SLC2A9: variants seen among roughly 807,000 people sequenced by gnomAD.
SLC2A9 encodes the protein solute carrier family 2 member 9.
In SLC2A9, 39 loss-of-function variants were observed where a neutral mutation model predicts 50.6. The observed-to-expected ratio is 0.77, with a 90% CI of 0.60 to 1.01. The LOEUF is 1.01. SLC2A9 is among the 50% of genes least tolerant of loss of function. The pLI, the probability that SLC2A9 is intolerant of heterozygous loss-of-function variation, is 0.00. For synonymous variants in SLC2A9, 324 were observed against 276.9 expected, an observed-to-expected ratio of 1.17 and a Z score of -1.69; for missense variants, 686 against 677.6, an observed-to-expected ratio of 1.01 and a Z score of -0.14.
At chr4:9,959,967 T>C (rs767185277) in intron 5 of SLC2A9, among the ~76,000 whole-genome samples, 6 of 152,214 alleles carry the variant, frequency 3.9e-5, no homozygotes, top group Non-Finnish European at 8.8e-5. Context: ...TTTCCAAGCA[T>C]TGTCCCACTT....
At chr4:9,969,214 C>T (rs189708465) in intron 5 of SLC2A9, among the ~76,000 whole-genome samples, 5 of 152,094 alleles carry the variant, frequency 3.3e-5, no homozygotes, top group East Asian at 1.9e-4. Context: ...CTTTCAGTTA[C>T]ATTTATGGAT....
chr4:10,019,987 G>A (rs1763301637), intron 1 of SLC2A9, among the ~76,000 whole-genome samples: 1 of 152,186 alleles, frequency 6.6e-6, no homozygotes, highest in East Asian at 1.9e-4. Flanking sequence ...AAGTGGACAG[G>A]GGCCAGGTGC....
intron 2 of SLC2A9, among the ~76,000 whole-genome samples, chr4:9,997,156 T>G (rs1286594572): frequency 2.0e-5 from 3 of 152,174 alleles, no homozygotes; most frequent in Non-Finnish European, 4.4e-5. Flanking sequence ...TTTTTTTTCT[T>G]TTATGGCTAG....
At chr4:9,909,776 C>T (rs1741351238) in intron 7 of SLC2A9, among the ~76,000 whole-genome samples, 1 of 152,188 alleles carries the variant, frequency 6.6e-6, no homozygotes, top group African/African-American at 2.4e-5. Context: ...ACCACATTGT[C>T]CTAACTGATG....
chr4:9,798,370 G>A (rs1300309697), downstream of SLC2A9, among the ~76,000 whole-genome samples: 1 of 152,222 alleles, frequency 6.6e-6, no homozygotes, highest in Non-Finnish European at 1.5e-5. Flanking sequence ...GAGCATTTGT[G>A]TGGTCACTGT....
At chr4:9,993,212 G>A (rs1028926893) in intron 3 of SLC2A9, among the ~76,000 whole-genome samples, 1 of 152,206 alleles carries the variant, frequency 6.6e-6, no homozygotes, top group Admixed American at 6.5e-5. Flanking sequence ...GCCCATGTGT[G>A]TTTTCCTATA....
At chr4:10,021,913 C>G (rs544243236), upstream of SLC2A9, among the ~76,000 whole-genome samples, 3 of 151,344 alleles carry the variant, frequency 2.0e-5, no homozygotes, top group African/African-American at 7.3e-5. Context: ...AATCTCTGCT[C>G]ACTGCAACCT....
chr4:10,038,334 C>G (rs1764172375), intron 1 of SLC2A9, among the ~76,000 whole-genome samples: 1 of 151,700 alleles, frequency 6.6e-6, no homozygotes, highest in Non-Finnish European at 1.5e-5. Context: ...ATGGTGAAAC[C>G]CAGTCTCTAC....
At chr4:10,023,239 A>G (rs1022108644), upstream of SLC2A9, among the ~76,000 whole-genome samples, 4 of 152,128 alleles carry the variant, frequency 2.6e-5, no homozygotes, top group African/African-American at 7.2e-5. Flanking sequence ...GTGTGGGAGG[A>G]AGTGAAATTG....
At chr4:9,959,559 T>C (rs1235934118) in intron 5 of SLC2A9, among the ~76,000 whole-genome samples, 1 of 152,150 alleles carries the variant, frequency 6.6e-6, no homozygotes, top group Non-Finnish European at 1.5e-5. Context: ...TTGTAAGAGA[T>C]TGCCTCTGGA....
intron 8 of SLC2A9, among the ~76,000 whole-genome samples, chr4:9,900,482 G>A (rs1739399820): frequency 6.6e-6 from 1 of 151,352 alleles, no homozygotes; most frequent in African/African-American, 2.4e-5. Context: ...GGGTGGGTGG[G>A]AGTGGAAACT....
intron 8 of SLC2A9, among the ~76,000 whole-genome samples, chr4:9,904,186 T>A (rs1048301103): frequency 3.3e-5 from 5 of 152,138 alleles, no homozygotes; most frequent in Non-Finnish European, 5.9e-5. Flanking sequence ...CTCAGTGGCT[T>A]AAAACAACCC....
At chr4:10,013,606 G>A (rs536642800) in intron 2 of SLC2A9, among the ~76,000 whole-genome samples, 1 of 152,366 alleles carries the variant, frequency 6.6e-6, no homozygotes, top group East Asian at 1.9e-4. Context: ...TGGGTCAAGT[G>A]CAGAGCTGGT....
intron 2 of SLC2A9, among the ~76,000 whole-genome samples, chr4:9,997,930 AG>A (rs1169573954): frequency 6.6e-6 from 1 of 152,202 alleles, no homozygotes; most frequent in East Asian, 1.9e-4. Flanking sequence ...CGATATACAA[AG>A]AACTCTAACA....
chr4:9,931,955 T>A (rs1396605844), intron 6 of SLC2A9, among the ~76,000 whole-genome samples: 1 of 72,756 alleles, frequency 1.4e-5, no homozygotes, highest in African/African-American at 7.0e-5. Flanking sequence ...TCTCTCTCTC[T>A]CTCTCTCTAT....
rs189893716 is a variant in SLC2A9, at chr4:9,835,812, C to T, written c.1292-804G>A. 7.9e-5 allele frequency among the ~76,000 whole-genome samples: 12 copies of T among 152,166 alleles called. No individual in the cohort carries two copies. The East Asian group carries it at 1.9e-3, about 24-fold the overall frequency. On this transcript the variant is annotated intron_variant, in intron 10 of 11. Coordinates refer to ENST00000264784, the MANE Select transcript of SLC2A9 (RefSeq NM_020041.3). ...TAAGAATGATACAACTGGGGCCAGG[C>T]GCGGTGGCTCACACCTGTAATCCCA...
At chr4:9,965,936 G>C (rs1578116540) in intron 5 of SLC2A9, among the ~76,000 whole-genome samples, 3 of 152,236 alleles carry the variant, frequency 2.0e-5, no homozygotes, top group East Asian at 3.9e-4. Flanking sequence ...AAGACTACAG[G>C]GTGAGATGGT....
intron 10 of SLC2A9, chr4:9,879,376 G>C (rs1162214946): frequency 1.0e-6 from 1 of 976,978 alleles, no homozygotes; most frequent in East Asian, 1.1e-4. Flanking sequence ...GTGTATTTAT[G>C]TGTGTATGTG....
chr4:9,834,789 G>T (rs1223221055), intron 11 of SLC2A9, 92 bp downstream of exon 11: 70 of 1,571,406 alleles, frequency 4.5e-5, no homozygotes, highest in Non-Finnish European at 5.9e-5. Context: ...CAGTTGAGAG[G>T]AGAGAGATCA....
Sources: gnomAD v4.1 joint callset for allele counts (sites outside exome capture counted in the v4.1 genomes callset) on GRCh38, gnomAD v4.1.1 for gene constraint, MANE v1.5 for transcripts, NCBI Gene and HGNC (gene_info 2026-07-23, HGNC 2026-07-21) for gene names.